Variants in ZBTB20 observed in about 807,000 individuals in gnomAD.
ZBTB20 encodes zinc finger and BTB domain containing 20, also known as zinc finger and BTB domain-containing protein 20.
Under a neutral mutation model 56.9 loss-of-function variants are expected in ZBTB20, and 9 were observed. The observed-to-expected ratio is 0.16, with a 90% CI of 0.10 to 0.28. The LOEUF is 0.28. Among genes scored for constraint, ZBTB20 ranks in the 10% least tolerant of loss-of-function variants. ZBTB20 has a pLI of 1.00. For missense variants in ZBTB20, 655 were observed against 1,003.0 expected, an observed-to-expected ratio of 0.65 and a Z score of 4.69; for synonymous variants, 417 against 420.7, an observed-to-expected ratio of 0.99 and a Z score of 0.11.
chr3:114,779,351 T>C (rs2069882353), intron 5 of ZBTB20, among the ~76,000 whole-genome samples: 1 of 152,210 alleles, frequency 6.6e-6, no homozygotes, highest in Admixed American at 6.5e-5. Context: ...CATTTATCAC[T>C]ATCTCACCTA....
chr3:114,898,574 T>C (rs572989127), intron 4 of ZBTB20, among the ~76,000 whole-genome samples: 1 of 152,252 alleles, frequency 6.6e-6, no homozygotes, highest in South Asian at 2.1e-4. Flanking sequence ...CTATTTCTAA[T>C]ACAACTCCAG....
intron 6 of ZBTB20, among the ~76,000 whole-genome samples, chr3:114,687,035 G>A (rs542039908): frequency 6.6e-6 from 1 of 152,290 alleles, no homozygotes; most frequent in South Asian, 2.1e-4. Context: ...AAAACTCCAT[G>A]AGGGAAATGG....
chr3:114,731,329 T>A (rs1014785933), intron 5 of ZBTB20, among the ~76,000 whole-genome samples: 6 of 152,184 alleles, frequency 3.9e-5, no homozygotes, highest in Admixed American at 6.5e-5. Context: ...TGCTACGTCA[T>A]TCATGACTAG....
intron 4 of ZBTB20, among the ~76,000 whole-genome samples, chr3:114,844,200 A>G (rs1176907845): frequency 2.6e-5 from 4 of 151,692 alleles, no homozygotes; most frequent in African/African-American, 4.9e-5. Flanking sequence ...GAGTGAAAGA[A>G]GGACAAAACA....
At chr3:115,054,345 C>CT (rs1398311608) in intron 2 of ZBTB20, among the ~76,000 whole-genome samples, 1 of 152,066 alleles carries the variant, frequency 6.6e-6, no homozygotes, top group Non-Finnish European at 1.5e-5. Context: ...ATTCTTTAAA[C>CT]TTTTTTAATT....
rs1337366453 is a variant in ZBTB20, at chr3:114,348,551, G to C, written c.1804+1723C>G. On this transcript the variant is annotated intron_variant, in intron 11 of 11. Coordinates refer to ENST00000675478, the MANE Select transcript of ZBTB20 (RefSeq NM_001348800.3). ...AGTTTCTTCATAAATTCAGTAGTGA[G>C]TCACTCTGTTTATTTGGAAGTGTGA... 3.9e-5 allele frequency among the ~76,000 whole-genome samples: 6 copies of C among 152,198 alleles called. No homozygotes were observed. The East Asian group carries it at 1.2e-3, about 29-fold the overall frequency.
intron 6 of ZBTB20, among the ~76,000 whole-genome samples, chr3:114,545,059 C>T (rs894074918): frequency 6.6e-6 from 1 of 152,172 alleles, no homozygotes; most frequent in African/African-American, 2.4e-5. Context: ...TCTGCTCACA[C>T]CTCTTCTTTC....
chr3:114,537,876 A>C (rs985875864), intron 6 of ZBTB20, among the ~76,000 whole-genome samples: 3 of 152,102 alleles, frequency 2.0e-5, no homozygotes, highest in African/African-American at 7.2e-5. Flanking sequence ...GTAAACTAAC[A>C]CAGAAACAGG....
At chr3:115,069,497 T>C (rs1014299787) in intron 2 of ZBTB20, among the ~76,000 whole-genome samples, 2 of 152,058 alleles carry the variant, frequency 1.3e-5, no homozygotes, top group African/African-American at 2.4e-5. Flanking sequence ...AGACTACACA[T>C]AGCGCTTTTA....
At chr3:115,048,771 ATTG>A (rs975346985) in intron 2 of ZBTB20, among the ~76,000 whole-genome samples, 2 of 152,136 alleles carry the variant, frequency 1.3e-5, no homozygotes, top group Admixed American at 6.5e-5. Context: ...CTATTTTTAA[ATTG>A]TTATTTACAT....
At chr3:114,793,074 T>C (rs1402150289) in intron 5 of ZBTB20, among the ~76,000 whole-genome samples, 1 of 151,898 alleles carries the variant, frequency 6.6e-6, no homozygotes, top group African/African-American at 2.4e-5. Flanking sequence ...GAGACAGAGT[T>C]TCACCATGTT....
At chr3:115,001,479 G>A (rs1316130042) in intron 2 of ZBTB20, among the ~76,000 whole-genome samples, 1 of 150,780 alleles carries the variant, frequency 6.6e-6, no homozygotes, top group East Asian at 2.0e-4. Flanking sequence ...AAGAAGAATT[G>A]GGAACCATGT....
chr3:114,477,882 T>TTC (rs2041005750), intron 7 of ZBTB20, among the ~76,000 whole-genome samples: 1 of 147,396 alleles, frequency 6.8e-6, no homozygotes, highest in East Asian at 2.0e-4. Context: ...TTCCTTCCTT[T>TTC]TTTCTTTCTT....
At chr3:114,671,190 G>T (rs1409968448) in intron 6 of ZBTB20, among the ~76,000 whole-genome samples, 2 of 151,944 alleles carry the variant, frequency 1.3e-5, no homozygotes, top group Non-Finnish European at 2.9e-5. Flanking sequence ...TTATCTGTAA[G>T]TAATCTTGTT....
intron 1 of ZBTB20, among the ~76,000 whole-genome samples, chr3:115,087,730 T>C (rs1441485568): frequency 1.3e-5 from 2 of 151,956 alleles, no homozygotes; most frequent in African/African-American, 2.4e-5. Context: ...GCAAGGGTAA[T>C]ATAGTTTCAG....
chr3:114,522,669 G>A (rs1432597694), intron 6 of ZBTB20, among the ~76,000 whole-genome samples: 1 of 152,158 alleles, frequency 6.6e-6, no homozygotes, highest in Non-Finnish European at 1.5e-5. Flanking sequence ...AGGATGAGGA[G>A]TGGTAAGATT....
chr3:114,807,454 TTC>T (rs1211843761), intron 4 of ZBTB20, among the ~76,000 whole-genome samples: 1 of 151,846 alleles, frequency 6.6e-6, no homozygotes, highest in Non-Finnish European at 1.5e-5. Flanking sequence ...CTGCTGCTGC[TTC>T]TTTTTTTTTT....
intron 2 of ZBTB20, among the ~76,000 whole-genome samples, chr3:115,057,245 G>A (rs2081834166): frequency 6.6e-6 from 1 of 151,618 alleles, no homozygotes; most frequent in Non-Finnish European, 1.5e-5. Context: ...TTTCTTTTCT[G>A]TCCCATGTGT....
chr3:114,748,096 CA>C (rs1483138537), intron 5 of ZBTB20, among the ~76,000 whole-genome samples: 3 of 151,962 alleles, frequency 2.0e-5, no homozygotes, highest in Non-Finnish European at 4.4e-5. Context: ...TGGTAACTGT[CA>C]GAGTGAGAAA....
Sources: gnomAD v4.1 joint callset for allele counts (sites outside exome capture counted in the v4.1 genomes callset) on GRCh38, gnomAD v4.1.1 for gene constraint, MANE v1.5 for transcripts, NCBI Gene and HGNC (gene_info 2026-07-23, HGNC 2026-07-21) for gene names.